Variants in SLC2A13 observed in about 807,000 individuals in gnomAD.
SLC2A13 encodes solute carrier family 2 member 13, also known as proton myo-inositol cotransporter.
A neutral mutation model predicts 64.4 loss-of-function variants in SLC2A13; 32 were observed. The observed-to-expected ratio is 0.50, with a 90% CI of 0.37 to 0.67. The LOEUF (loss-of-function observed/expected upper bound fraction) is 0.67, where lower values mean the gene tolerates loss of function less well. Ranked by LOEUF, SLC2A13 falls within the 30% of genes least tolerant of loss-of-function variation. The probability of loss-of-function intolerance (pLI) is 0.00; values close to 1 mark genes in which losing one functional copy is unlikely to be tolerated. For missense variants in SLC2A13, 743 were observed against 829.2 expected (o/e 0.90, Z 1.28); for synonymous variants, 338 against 327.1 (o/e 1.03, Z -0.36).
intron 6 of SLC2A13, among the ~76,000 whole-genome samples, chr12:39,839,839 G>C (rs1943132039): frequency 1.3e-5 from 2 of 152,046 alleles, no homozygotes; most frequent in Non-Finnish European, 1.5e-5. Context: ...TTATCTGGAT[G>C]TTTTCCAAGT....
intron 2 of SLC2A13, among the ~76,000 whole-genome samples, chr12:40,029,811 T>C (rs1163873850): frequency 6.6e-6 from 1 of 152,228 alleles, no homozygotes; most frequent in African/African-American, 2.4e-5. Context: ...TGGCCTGCAG[T>C]GTTAAATCTT....
At chr12:39,870,449 G>A (rs941489524) in intron 5 of SLC2A13, among the ~76,000 whole-genome samples, 3 of 152,086 alleles carry the variant, frequency 2.0e-5, no homozygotes, top group African/African-American at 7.2e-5. Context: ...GGATAGCTCT[G>A]ATTATTGGGG....
chr12:39,852,278 G>C (rs1183801115), intron 6 of SLC2A13, among the ~76,000 whole-genome samples: 1 of 152,158 alleles, frequency 6.6e-6, no homozygotes, highest in East Asian at 1.9e-4. Context: ...GAGAAATGCT[G>C]GTCAGATTTC....
At chr12:39,990,319 C>T (rs1489618030) in intron 3 of SLC2A13, among the ~76,000 whole-genome samples, 1 of 152,160 alleles carries the variant, frequency 6.6e-6, no homozygotes, top group African/African-American at 2.4e-5. Flanking sequence ...ACACAGAGTA[C>T]TCAATAAATG....
chr12:39,857,687 T>TA (rs1943644246), intron 6 of SLC2A13, among the ~76,000 whole-genome samples: 1 of 152,240 alleles, frequency 6.6e-6, no homozygotes, highest in South Asian at 2.1e-4. Context: ...TATTCTAAGA[T>TA]AATGTCCAAA....
At chr12:39,802,020 T>A (rs531572223) in intron 7 of SLC2A13, among the ~76,000 whole-genome samples, 1 of 152,124 alleles carries the variant, frequency 6.6e-6, no homozygotes, top group Non-Finnish European at 1.5e-5. Flanking sequence ...GAATTTCACA[T>A]AGTGACAATT....
chr12:39,879,139 G>A (rs1005234771), intron 4 of SLC2A13, among the ~76,000 whole-genome samples: 13 of 152,264 alleles, frequency 8.5e-5, no homozygotes, highest in African/African-American at 2.9e-4. Context: ...AAGAATGCTT[G>A]GCAGCCTCTG....
intron 4 of SLC2A13, chr12:39,950,710 C>T (rs1367504250): frequency 6.6e-6 from 1 of 152,306 alleles, no homozygotes; most frequent in African/African-American, 2.4e-5. Flanking sequence ...AGCACACATA[C>T]AGCTTTGGGA....
At chr12:39,916,791 G>T (rs1265984081) in intron 4 of SLC2A13, among the ~76,000 whole-genome samples, 1 of 148,586 alleles carries the variant, frequency 6.7e-6, no homozygotes. Context: ...TTCCAAGTCG[G>T]TAGTCATTGT....
chr12:39,931,526 G>A (rs1040937925), intron 4 of SLC2A13, among the ~76,000 whole-genome samples: 1 of 152,192 alleles, frequency 6.6e-6, no homozygotes, highest in East Asian at 1.9e-4. Flanking sequence ...CTATAGGAAT[G>A]CTGGGGTCGG....
At chr12:39,777,217 T>C (rs184569720) in intron 7 of SLC2A13, among the ~76,000 whole-genome samples, 34 of 152,272 alleles carry the variant, frequency 2.2e-4, no homozygotes, top group Admixed American at 2.1e-3. Context: ...ATGAGGGACT[T>C]TGGGTGAAAA....
chr12:39,816,435 TGGGGGGAGGGGGGA>T (rs1942342318), intron 7 of SLC2A13, among the ~76,000 whole-genome samples: 1 of 50,436 alleles, frequency 2.0e-5, no homozygotes, highest in Admixed American at 2.9e-4. Flanking sequence ...TGTTGTGGGG[TGGGGGGAGGGGGGA>T]GGGATAGCAT....
chr12:39,777,871 C>T (rs1283835994), intron 7 of SLC2A13, among the ~76,000 whole-genome samples: 3 of 152,200 alleles, frequency 2.0e-5, no homozygotes, highest in African/African-American at 7.2e-5. Flanking sequence ...TGATCTGATT[C>T]TTCTGGTACA....
intron 2 of SLC2A13, among the ~76,000 whole-genome samples, chr12:40,041,688 C>T (rs898005239): frequency 1.3e-5 from 2 of 152,240 alleles, no homozygotes; most frequent in African/African-American, 2.4e-5. Flanking sequence ...TCCACACCAA[C>T]TGATGACTCC....
intron 4 of SLC2A13, among the ~76,000 whole-genome samples, chr12:39,947,960 G>A (rs1381222102): frequency 3.3e-5 from 5 of 151,908 alleles, no homozygotes; most frequent in Admixed American, 3.3e-4. Flanking sequence ...GCGCCTGGCC[G>A]AGAATTTCTT....
chr12:39,944,935 G>A (rs903313643), intron 4 of SLC2A13, among the ~76,000 whole-genome samples: 4 of 152,012 alleles, frequency 2.6e-5, no homozygotes, highest in African/African-American at 9.7e-5. Flanking sequence ...TTTTTAATGT[G>A]CATTTTTGTT....
intron 1 of SLC2A13, among the ~76,000 whole-genome samples, chr12:40,076,881 C>T (rs1938199055): frequency 6.6e-6 from 1 of 152,038 alleles, no homozygotes. Context: ...GCTATCTCAT[C>T]ATGGTTTTGA....
At chr12:40,002,099 TTAAA>T (rs1947329724) in intron 3 of SLC2A13, among the ~76,000 whole-genome samples, 1 of 152,216 alleles carries the variant, frequency 6.6e-6, no homozygotes. Flanking sequence ...TTGGATGACT[TTAAA>T]TAATCAGGTT....
Position 39,865,217 on chromosome 12 carries a change from C to T in SLC2A13, c.1199-335G>A, listed in dbSNP as rs537241391. Among the ~76,000 whole-genome samples, 5 of 152,304 alleles carry T rather than the reference C, an allele frequency of 3.3e-5. No homozygotes were observed. The East Asian group carries it at 7.7e-4, about 24-fold the overall frequency. On this transcript the variant is annotated intron_variant, in intron 5 of 9. Coordinates refer to ENST00000280871, the MANE Select transcript of SLC2A13 (RefSeq NM_052885.4). Reference sequence around the variant, plus strand: ...ATCTCAAAATCAATTAATGTGACAACATTATTGAGTGCCTAACATATCAAG... The same window carrying T: ...ATCTCAAAATCAATTAATGTGACAATATTATTGAGTGCCTAACATATCAAG...
Sources: allele counts gnomAD v4.1 joint callset (sites outside exome capture counted in the v4.1 genomes callset), GRCh38; gene constraint gnomAD v4.1.1; transcripts MANE v1.5; gene names NCBI Gene and HGNC (gene_info 2026-07-23, HGNC 2026-07-21).